THBS2: variants seen among roughly 807,000 people sequenced by gnomAD.
THBS2 encodes thrombospondin-2.
A neutral mutation model predicts 135.2 loss-of-function variants in THBS2; 47 were observed. The ratio of observed to expected loss-of-function variants is 0.35; its 90% CI spans 0.28 to 0.44. The LOEUF is 0.44. Ranked by LOEUF, THBS2 falls within the 20% of genes least tolerant of loss-of-function variation. The pLI is 1.00. For synonymous variants in THBS2, 639 were observed against 633.8 expected (o/e 1.01, Z -0.12); for missense variants, 1,288 against 1,603.1 (o/e 0.80, Z 3.36).
At chr6:169,217,945 A>G (rs1355258238) in intron 21 of THBS2, 116 bp from the exon 22 acceptor site, 4 of 987,530 alleles carry the variant, frequency 4.1e-6, no homozygotes, top group Admixed American at 2.7e-5. Context: ...GATGAGATCT[A>G]TCATATGGAT....
chr6:169,225,048 G>A (rs1174768756), intron 17 of THBS2, 97 bp downstream of exon 17: 5 of 1,214,360 alleles, frequency 4.1e-6, no homozygotes, highest in Non-Finnish European at 5.9e-6. Flanking sequence ...TTTTCCAGCA[G>A]CAGATTTAAG....
In THBS2 at chr6:169,232,172, C is replaced by T; in HGVS notation, c.1959G>A (p.Lys653=). The T allele has an allele frequency of 1.2e-6, 2 of 1,613,906 alleles. No individual in the cohort carries two copies. The highest frequency in any genetic ancestry group is 1.7e-6 in the Non-Finnish European group (2 of 1,179,942). Residue 653 remains lysine, a synonymous_variant, in exon 13 of 22, where the codon AAG becomes AAA. Transcript: ENST00000617924. ...GCTTGTGGCAGTTGTGTGTCTTGTC[C>T]TTGCATGGGTTTTCGGGCTCACACA... The part of the protein sequence containing the change: ...KQVCEPENPC[K]DKTHNCHKHA...
Position 169,237,770 on chromosome 6 carries a change from A to G in THBS2, c.1155T>C (p.Ser385=). The G allele has an allele frequency of 6.2e-7, 1 of 1,611,272 alleles. No individual in the cohort carries two copies. The highest frequency in any genetic ancestry group is 8.5e-7 in the Non-Finnish European group (1 of 1,179,848). Reference sequence around the variant, plus strand: ...AGCACTGGGTCCACTCTGCCCACGGAGACCAGCCCTCCTCACCGTCCACCG... The same window carrying G: ...AGCACTGGGTCCACTCTGCCCACGGGGACCAGCCCTCCTCACCGTCCACCG... ...LHSVDGEEGW[S]PWAEWTQCSV... Residue 385 remains serine, a synonymous_variant, in exon 8 of 22, where the codon TCT becomes TCC. Transcript: ENST00000617924.
intron 4 of THBS2, among the ~76,000 whole-genome samples, chr6:169,245,142 G>A (rs1375236014): frequency 3.3e-5 from 5 of 152,222 alleles, no homozygotes; most frequent in African/African-American, 7.2e-5. Flanking sequence ...TGTGGCAGAC[G>A]TGAGCTCCGC....
Position 169,241,542 on chromosome 6 carries a change from T to C in THBS2, c.891+220A>G, listed in dbSNP as rs145615897. Among the ~76,000 whole-genome samples the C allele has an allele frequency of 1.2e-3, 187 of 151,628 alleles. No homozygotes were observed. The highest frequency in any genetic ancestry group is 4.3e-3 in the African/African-American group (178 of 41,196). Reference sequence around the variant, plus strand: ...GAGACTGTGCCCAGGACTGTTTTCCTTGGGAATACTTCCCAAGATCTACCC... The same window carrying C: ...GAGACTGTGCCCAGGACTGTTTTCCCTGGGAATACTTCCCAAGATCTACCC... On this transcript the variant is annotated intron_variant, in intron 5 of 21. Coordinates refer to ENST00000617924, the MANE Select transcript of THBS2 (RefSeq NM_003247.5). This position sits in a 1 kb window ranked among gnomAD's most constrained non-coding sequence, Gnocchi z 5.5.
intron 14 of THBS2, 113 bp from the exon 15 acceptor site, chr6:169,228,394 AACAAAC>A: frequency 7.4e-7 from 1 of 1,351,224 alleles, no homozygotes; most frequent in Non-Finnish European, 1.0e-6. Context: ...ATAGAAATCA[AACAAAC>A]ACAAAAGCCA....
intron 16 of THBS2, 51 bp downstream of exon 16, chr6:169,226,129 G>A (rs375049448): frequency 1.3e-5 from 19 of 1,513,828 alleles, no homozygotes; most frequent in Admixed American, 3.4e-5. Flanking sequence ...CACCGTCCCC[G>A]CGTCCCTCTG....
rs145039765 is a variant in THBS2 at position 169,226,230 on chromosome 6, C to T, written c.2488G>A (p.Gly830Ser). 4.6e-4 allele frequency: 749 copies of T among 1,614,166 alleles called. 7 individuals are homozygous for T. Among genetic ancestry groups the T allele is most frequent in the South Asian group, 4.6e-4 (42 of 91,086 alleles). ...NTDQRDTDGD[G>S]VGDHCDNCPL... ...CAGTTGTCACAGTGATCCCCCACACCGTCACCATCCGTGTCCCTCTGGTCA... is the reference window on the plus strand; with the variant it reads ...CAGTTGTCACAGTGATCCCCCACACTGTCACCATCCGTGTCCCTCTGGTCA... Residue 830 changes from glycine to serine, a missense_variant, in exon 16 of 22, where the codon GGT becomes AGT. Physicochemically the swap from Gly to Ser is moderately conservative, Grantham distance 56. Transcript: ENST00000617924.
chr6:169,237,189 G>A lies in THBS2; in HGVS notation c.1458C>T (p.Cys486=), dbSNP rs1318775255. 1.9e-6 allele frequency: 3 copies of A among 1,608,888 alleles called. No homozygotes were observed. In the African/African-American group the frequency reaches 4.0e-5, roughly 21 times the overall value. Reference sequence around the variant, plus strand: ...ACTTACTTGGGCATGGGGCGCCCTGGCAGGCTTTGGTCTCCCGGCCACTCC... The same window carrying A: ...ACTTACTTGGGCATGGGGCGCCCTGACAGGCTTTGGTCTCCCGGCCACTCC... ...CKGSGRETKA[C]QGAPCPIDGR... The change falls in exon 9 of 22, where the codon TGC becomes TGT. Residue 486 remains cysteine, a synonymous_variant. Transcript: ENST00000617924.
chr6:169,248,911 T>C lies in THBS2; in HGVS notation c.115A>G (p.Thr39Ala). The C allele has an allele frequency of 2.5e-6, 4 of 1,613,684 alleles. No homozygotes were observed. Among genetic ancestry groups the C allele is most frequent in the Non-Finnish European group, 3.4e-6 (4 of 1,179,938 alleles). ...LFSISNINRK[T>A]IGAKQFRGPD... The stretch of plus-strand genomic sequence containing the variant: ...CCGCGGAACTGCTTGGCGCCAATGG[T>C]CTTGCGGTTGATGTTGCTGATACTG... Residue 39 changes from threonine to alanine, a missense_variant, in exon 3 of 22, where the codon ACC becomes GCC. Transcript: ENST00000617924.
In THBS2 at chr6:169,252,749, C is replaced by A. The variant is rs961620268; in HGVS notation, c.-23+975G>T. Among the ~76,000 whole-genome samples, 3 of 152,194 alleles carry A rather than the reference C, an allele frequency of 2.0e-5. No individual in the cohort carries two copies. The highest frequency in any genetic ancestry group is 1.3e-4 in the Admixed American group (2 of 15,284). On this transcript the variant is annotated intron_variant, in intron 1 of 21. Coordinates refer to ENST00000617924, the MANE Select transcript of THBS2 (RefSeq NM_003247.5). This position sits in a 1 kb window ranked among gnomAD's most constrained non-coding sequence, Gnocchi z 4.3. Reference sequence around the variant, plus strand: ...CCAGTGCCGCTCACCCCTGCCCCAGCCTCTGCACGCCACACATCCACGTTT... The same window carrying A: ...CCAGTGCCGCTCACCCCTGCCCCAGACTCTGCACGCCACACATCCACGTTT...
intron 10 of THBS2, 85 bp from the exon 11 acceptor site, chr6:169,233,102 T>C: frequency 7.0e-7 from 1 of 1,422,814 alleles, no homozygotes; most frequent in Non-Finnish European, 9.2e-7. Flanking sequence ...TCAAACACTC[T>C]GGGATGTCTT....
Position 169,248,500 on chromosome 6 carries a change from C to G in THBS2, c.526G>C (p.Asp176His). ...TGCAGGTGCTCGTAGAAGGGCTCGT[C>G]CAGAGCGAAGCTGTCTATGAGGTCG... ...GCDLIDSFAL[D>H]EPFYEHLQAE... is the part of the protein sequence containing the mutation. The change falls in exon 3 of 22, where the codon GAC (aspartate) becomes CAC (histidine). Residue 176 changes from aspartate to histidine, a missense_variant. By Grantham distance (81) the Asp-to-His change is moderately conservative. Transcript: ENST00000617924. The G allele has an allele frequency of 6.2e-7, 1 of 1,614,028 alleles. No individual in the cohort carries two copies. The highest frequency in any genetic ancestry group is 2.2e-5 in the East Asian group (1 of 44,862).
Position 169,239,623 on chromosome 6 carries a change from C to A in THBS2, c.1105G>T (p.Glu369Ter). The A allele has an allele frequency of 6.2e-7, 1 of 1,603,978 alleles. No individual in the cohort carries two copies. Among genetic ancestry groups the A allele is most frequent in the Non-Finnish European group, 8.5e-7 (1 of 1,176,146 alleles). Reference protein sequence around the residue: ...TCASPSFVEGECCPSCLHSVD... With the variant: ...TCASPSFVEG ...CAGTGGAGGCAGGAAGGGCAGCATT[C>A]GCCTTCCACAAAGGATGGACTGGCG... The change falls in exon 7 of 22, where the codon GAA (glutamate) becomes TAA (stop). Residue 369 changes from glutamate to a stop codon, truncating the protein, a stop_gained. Transcript: ENST00000617924. LOFTEE classifies it high-confidence loss of function.
Position 169,225,275 on chromosome 6 carries a change from G to A in THBS2, c.2643C>T (p.Asn881=), listed in dbSNP as rs778433469. Residue 881 remains asparagine, a synonymous_variant, in exon 17 of 22, where the codon AAC becomes AAT. Transcript: ENST00000617924. The part of the protein sequence containing the change: ...NNQDNCPYIS[N]ANQADHDRDG... ...CTCTGTCATGGTCAGCCTGGTTGGCGTTGGAGATGTAGGGGCAGTTGTCCT... is the reference window on the plus strand; with the variant it reads ...CTCTGTCATGGTCAGCCTGGTTGGCATTGGAGATGTAGGGGCAGTTGTCCT... 1.1e-4 allele frequency: 169 copies of A among 1,607,590 alleles called. No homozygotes were observed. The highest frequency in any genetic ancestry group is 9.5e-4 in the South Asian group (86 of 90,382).
chr6:169,222,503 C>A, intron 18 of THBS2, 35 bp from the exon 19 acceptor site: 1 of 1,593,884 alleles, frequency 6.3e-7, no homozygotes, highest in Non-Finnish European at 8.6e-7. Flanking sequence ...GTTAGAAACA[C>A]CTTTCAGGTG....
chr6:169,250,738 G>C lies in THBS2; in HGVS notation c.47C>G (p.Thr16Arg), dbSNP rs142358231. Residue 16 changes from threonine (T) to arginine (R), a missense_variant, in exon 2 of 22, where the codon ACG (threonine) becomes AGG (arginine). Coordinates refer to ENST00000617924, the MANE Select transcript of THBS2 (RefSeq NM_003247.5). ...CAGGCTCTGAGGACACTCACCTTGC[G>C]TGCTGGGCCACACCCACAGAGCCAG... is the stretch of plus-strand genomic sequence containing the variant. ...VLLALWVWPSTQAGHQDKDTT... is the reference protein window; with the variant it reads ...VLLALWVWPSRQAGHQDKDTT... 9 of 1,613,480 alleles carry C rather than the reference G, an allele frequency of 5.6e-6. No homozygotes were observed. The highest frequency in any genetic ancestry group is 4.4e-5 in the South Asian group (4 of 90,844).
rs969590665 is a variant in THBS2, at chr6:169,241,352, C to T, written c.891+410G>A. ...ACAGGAACTTCCCGTCCTGCCTCTT[C>T]AGCTATGCCAACATGCAGTCCTTGA... On this transcript the variant is annotated intron_variant, in intron 5 of 21. Coordinates refer to ENST00000617924, the MANE Select transcript of THBS2 (RefSeq NM_003247.5). This position sits in a 1 kb window ranked among gnomAD's most constrained non-coding sequence, Gnocchi z 5.5. 6.6e-6 allele frequency among the ~76,000 whole-genome samples: 1 copy of T among 152,176 alleles called. No individual in the cohort carries two copies. Among genetic ancestry groups the T allele is most frequent in the Non-Finnish European group, 1.5e-5 (1 of 68,044 alleles).
chr6:169,226,316 G>A lies in THBS2; in HGVS notation c.2420-18C>T, dbSNP rs745651924. ...GAAGACATCTGTAAGTGTTTAAAGGGGGAAGAAAACAAAAACAAACCAGAA... is the reference window on the plus strand; with the variant it reads ...GAAGACATCTGTAAGTGTTTAAAGGAGGAAGAAAACAAAAACAAACCAGAA... On this transcript the variant is annotated intron_variant, in intron 15 of 21. Coordinates refer to ENST00000617924, the MANE Select transcript of THBS2 (RefSeq NM_003247.5). 1 of 1,594,872 alleles carries A rather than the reference G, an allele frequency of 6.3e-7. No individual in the cohort carries two copies.
Sources: allele counts gnomAD v4.1 joint callset (sites outside exome capture counted in the v4.1 genomes callset), GRCh38; gene constraint gnomAD v4.1.1; non-coding constraint Gnocchi (gnomAD v3.1); transcripts MANE v1.5; gene names NCBI Gene and HGNC (gene_info 2026-07-23, HGNC 2026-07-21).